The following EEA1 variants were observed in gnomAD, a reference collection of about 807,000 sequenced individuals.
EEA1 encodes early endosome antigen 1.
A neutral mutation model predicts 209.2 loss-of-function variants in EEA1; 111 were observed. The observed-to-expected ratio is 0.53, with a 90% CI of 0.45 to 0.62. The LOEUF (loss-of-function observed/expected upper bound fraction) is 0.62, where lower values mean the gene tolerates loss of function less well. Ranked by LOEUF, EEA1 falls within the 20% of genes least tolerant of loss-of-function variation. The pLI is 0.00. For missense variants in EEA1, 1,343 were observed against 1,530.8 expected (o/e 0.88, Z 2.05); for synonymous variants, 536 against 540.6 (o/e 0.99, Z 0.12).
chr12:92,811,235 C>G, intron 17 of EEA1, 44 bp downstream of exon 17: 1 of 1,291,446 alleles, frequency 7.7e-7, no homozygotes, highest in African/African-American at 1.5e-5. Context: ...TCCATTGCTA[C>G]TGAAGTAGAA....
At chr12:92,884,066 C>T in intron 2 of EEA1, 1 of 1,315,940 alleles carries the variant, frequency 7.6e-7, no homozygotes. Context: ...TCTCAAAGAC[C>T]AGGTGCCCAC....
intron 15 of EEA1, among the ~76,000 whole-genome samples, chr12:92,815,931 CAGAG>C (rs879277546): frequency 6.8e-6 from 1 of 147,010 alleles, no homozygotes; most frequent in African/African-American, 2.5e-5. Flanking sequence ...GAGCCAGAGA[CAGAG>C]AGACAGAGAC....
Position 92,852,206 on chromosome 12 carries a change from G to A in EEA1, c.611C>T (p.Ala204Val). 1 of 1,590,256 alleles carries A rather than the reference G, an allele frequency of 6.3e-7. No individual in the cohort carries two copies. Among genetic ancestry groups the A allele is most frequent in the Non-Finnish European group, 8.6e-7 (1 of 1,169,376 alleles). ...CGTCTTCAGATCTTGAATTACAGTT[G>A]CCTCTTTGTTTAATTCTTCTGTCAG... The part of the protein sequence containing the change: ...TRLTEELNKE[A>V]TVIQDLKTEL... The change falls in exon 8 of 29, where the codon GCA becomes GTA. Residue 204 changes from alanine to valine, a missense_variant. Coordinates refer to ENST00000322349, the MANE Select transcript of EEA1 (RefSeq NM_003566.4).
chr12:92,928,402 G>A (rs543648440), intron 1 of EEA1, among the ~76,000 whole-genome samples: 68 of 152,282 alleles, frequency 4.5e-4, no homozygotes, highest in African/African-American at 1.6e-3. Flanking sequence ...TAAGGTAGTG[G>A]GGCTTGCACA....
chr12:92,781,865 T>C, intron 23 of EEA1, 85 bp downstream of exon 23: 1 of 1,244,886 alleles, frequency 8.0e-7, no homozygotes, highest in South Asian at 1.9e-5. Context: ...GGATGATGCC[T>C]GTACTAAATA....
intron 18 of EEA1, among the ~76,000 whole-genome samples, chr12:92,803,297 T>G (rs1875028172): frequency 6.6e-6 from 1 of 152,070 alleles, no homozygotes; most frequent in Non-Finnish European, 1.5e-5. Context: ...AGCTAGCAGA[T>G]TATACAAAGG....
intron 1 of EEA1, among the ~76,000 whole-genome samples, chr12:92,898,557 G>A (rs1169229962): frequency 2.0e-5 from 3 of 151,528 alleles, no homozygotes; most frequent in African/African-American, 7.3e-5. Context: ...CCAGCTATTC[G>A]GGAGGCTGAG....
chr12:92,889,607 G>T (rs934470996), intron 2 of EEA1, among the ~76,000 whole-genome samples: 20 of 150,166 alleles, frequency 1.3e-4, no homozygotes, highest in African/African-American at 4.7e-4. Context: ...AAAATGAAAA[G>T]AAAGATAAAG....
chr12:92,830,485 G>T (rs747046398), intron 11 of EEA1, among the ~76,000 whole-genome samples: 4 of 151,960 alleles, frequency 2.6e-5, no homozygotes, highest in Non-Finnish European at 2.9e-5. Context: ...CATCCACATT[G>T]CTATAAGGAG....
intron 21 of EEA1, among the ~76,000 whole-genome samples, chr12:92,796,912 T>A (rs1284650679): frequency 6.6e-6 from 1 of 152,230 alleles, no homozygotes; most frequent in Non-Finnish European, 1.5e-5. Context: ...GAAAGATGAA[T>A]CATTTCTCTA....
intron 2 of EEA1, among the ~76,000 whole-genome samples, chr12:92,880,812 T>C (rs920153141): frequency 1.3e-5 from 2 of 152,148 alleles, no homozygotes; most frequent in East Asian, 3.9e-4. Flanking sequence ...CCAGAAAAAA[T>C]GGCATAGATG....
At position 92,842,492 on chromosome 12, in the gene EEA1, T is replaced by G. The variant is rs1410791171; in HGVS notation, c.888A>C (p.Ser296=). Residue 296 remains serine (S), a synonymous_variant, in exon 10 of 29, where the codon TCA becomes TCC. Coordinates refer to ENST00000322349, the MANE Select transcript of EEA1 (RefSeq NM_003566.4). ...YVQELQKLKS[S]VNELTQKNQT... ...GATTTTTTTGTGTTAATTCATTAAC[T>G]GAACTTTTCAGTTTTTGTAGTTCCT... 2 of 1,603,260 alleles carry G rather than the reference T, an allele frequency of 1.2e-6. No individual in the cohort carries two copies. The highest frequency in any genetic ancestry group is 2.2e-5 in the East Asian group (1 of 44,584).
At chr12:92,808,561 C>T (rs558392855) in intron 18 of EEA1, among the ~76,000 whole-genome samples, 1 of 151,822 alleles carries the variant, frequency 6.6e-6, no homozygotes, top group South Asian at 2.1e-4. Context: ...CCTCGACCTC[C>T]CAAGCTCAAG....
At chr12:92,914,717 G>T (rs1880703748) in intron 1 of EEA1, among the ~76,000 whole-genome samples, 1 of 151,088 alleles carries the variant, frequency 6.6e-6, no homozygotes, top group African/African-American at 2.4e-5. Flanking sequence ...AGGCTGGAGT[G>T]CAGTGATGTG....
chr12:92,908,313 T>C (rs1880455997), intron 1 of EEA1, among the ~76,000 whole-genome samples: 1 of 152,066 alleles, frequency 6.6e-6, no homozygotes, highest in Admixed American at 6.5e-5. Flanking sequence ...GTGGTTACAG[T>C]GGGTTCAGGG....
Position 92,819,441 on chromosome 12 carries a change from A to T in EEA1, c.1595T>A (p.Leu532Ter). ...DQKIQNLEAL[L>*]QKSKENISLL... ...TGAAATATTTTCTTTACTCTTCTGTAATAAAGCTTCAAGGTTCTGGATCTT... is the reference window on the plus strand; with the variant it reads ...TGAAATATTTTCTTTACTCTTCTGTTATAAAGCTTCAAGGTTCTGGATCTT... The change falls in exon 14 of 29, where the codon TTA becomes TAA. Residue 532 changes from leucine to a stop codon, truncating the protein, a stop_gained. Coordinates refer to ENST00000322349, the MANE Select transcript of EEA1 (RefSeq NM_003566.4). LOFTEE classifies it high-confidence loss of function. 6.2e-7 allele frequency: 1 copy of T among 1,612,048 alleles called. No individual in the cohort carries two copies. Among genetic ancestry groups the T allele is most frequent in the East Asian group, 2.2e-5 (1 of 44,766 alleles).
At chr12:92,806,339 T>C (rs1875204861) in intron 18 of EEA1, among the ~76,000 whole-genome samples, 1 of 152,084 alleles carries the variant, frequency 6.6e-6, no homozygotes, top group Non-Finnish European at 1.5e-5. Flanking sequence ...TAACAGACCT[T>C]AAAAGTGTAA....
chr12:92,904,241 G>A (rs755024079), intron 1 of EEA1, among the ~76,000 whole-genome samples: 7 of 152,112 alleles, frequency 4.6e-5, no homozygotes, highest in East Asian at 1.9e-4. Flanking sequence ...GATTACAGGC[G>A]TGAGCCACCA....
At position 92,816,254 on chromosome 12, in the gene EEA1, T is replaced by C. The variant is rs1875777630; in HGVS notation, c.1875A>G (p.Glu625=). The change falls in exon 15 of 29, where the codon GAA becomes GAG. Residue 625 remains glutamate, a synonymous_variant. Coordinates refer to ENST00000322349, the MANE Select transcript of EEA1 (RefSeq NM_003566.4). ...TGCTTTCATTTAATTGACTATTTAA[T>C]TCATTGACACTAGTTTCTAGGGAAA... ...RVLSLETSVN[E]LNSQLNESKE... is the part of the protein sequence containing the mutation. 1 of 1,614,004 alleles carries C rather than the reference T, an allele frequency of 6.2e-7. No homozygotes were observed. The highest frequency in any genetic ancestry group is 8.5e-7 in the Non-Finnish European group (1 of 1,179,878).
Sources: gnomAD v4.1 joint callset for allele counts (sites outside exome capture counted in the v4.1 genomes callset) on GRCh38, gnomAD v4.1.1 for gene constraint, MANE v1.5 for transcripts, NCBI Gene and HGNC (gene_info 2026-07-23, HGNC 2026-07-21) for gene names.